Variants in FRMPD1 observed in about 807,000 individuals in gnomAD.
FRMPD1 encodes the protein FERM and PDZ domain containing 1, also known as FERM and PDZ domain-containing protein 1.
FRMPD1 carries 76 observed loss-of-function variants against 117.8 expected under a neutral mutation model. That is an observed-to-expected ratio of 0.65 (90% CI 0.54 to 0.78). FRMPD1 has a LOEUF of 0.78. Among genes scored for constraint, FRMPD1 ranks in the 30% least tolerant of loss-of-function variants. FRMPD1 has a pLI of 0.00. For synonymous variants in FRMPD1, 783 were observed against 770.4 expected, an observed-to-expected ratio of 1.02 and a Z score of -0.27; for missense variants, 1,786 against 1,964.5, an observed-to-expected ratio of 0.91 and a Z score of 1.72.
chr9:37,606,597 T>C, the FRMPD1 span, among the ~76,000 whole-genome samples: 1 of 152,226 alleles, frequency 6.6e-6, no homozygotes, highest in East Asian at 1.9e-4. Flanking sequence ...ACGCTGAATA[T>C]GCACAAAACT....
chr9:37,737,220 C>T lies in FRMPD1; in HGVS notation c.1526C>T (p.Ala509Val), dbSNP rs571037699. The T allele has an allele frequency of 2.3e-4, 377 of 1,614,022 alleles. 4 individuals carry two copies. Among genetic ancestry groups the T allele is most frequent in the South Asian group, 2.2e-3 (199 of 91,056 alleles). Residue 509 changes from alanine (A) to valine (V), a missense_variant, in exon 14 of 16, where the codon GCG (alanine) becomes GTG (valine). By Grantham distance (64) the Ala-to-Val change is moderately conservative. Coordinates refer to ENST00000377765, the MANE Select transcript of FRMPD1 (RefSeq NM_014907.3). ...CTCTGGCCTGGAAACAAACAACAAG[C>T]GCACCGGGTATCTGCAGAAGAAGGT... ...IFLWPGNKQQ[A>V]HRVSAEEGYE...
chr9:37,745,818 T>C lies in FRMPD1; in HGVS notation c.3786T>C (p.Cys1262=). The C allele has an allele frequency of 6.2e-7, 1 of 1,614,130 alleles. No individual in the cohort carries two copies. The highest frequency in any genetic ancestry group is 8.5e-7 in the Non-Finnish European group (1 of 1,179,986). The part of the protein sequence containing the change: ...PEPSLPEPLP[C]PQEDPHLETS... ...CTTCCCTGCCAGAACCACTACCATG[T>C]CCACAAGAGGATCCTCACTTAGAAA... is the stretch of plus-strand genomic sequence containing the variant. Residue 1262 remains cysteine (C), a synonymous_variant, in exon 16 of 16, where the codon TGT becomes TGC. Coordinates refer to ENST00000377765, the MANE Select transcript of FRMPD1 (RefSeq NM_014907.3).
Position 37,717,317 on chromosome 9 carries a change from A to G in FRMPD1, c.409-1752A>G, listed in dbSNP as rs138929301. ...AGAAAAAAAAAATATATATATATGT[A>G]TGTGTGTGTGTGTATGTGTATATAT... On this transcript the variant is annotated intron_variant, in intron 5 of 15. Coordinates refer to ENST00000377765, the MANE Select transcript of FRMPD1 (RefSeq NM_014907.3). Among the ~76,000 whole-genome samples, 1,148 of 137,860 alleles carry G rather than the reference A, an allele frequency of 8.3e-3. 4 individuals carry two copies. Among genetic ancestry groups the G allele is most frequent in the Middle Eastern group, 0.047 (13 of 274 alleles). 90.4% of individuals were successfully genotyped at this position (137,860 alleles called of 152,430 possible).
At position 37,745,249 on chromosome 9, in the gene FRMPD1, G is replaced by A; in HGVS notation, c.3217G>A (p.Glu1073Lys). 1 of 1,612,840 alleles carries A rather than the reference G, an allele frequency of 6.2e-7. No individual in the cohort carries two copies. The highest frequency in any genetic ancestry group is 8.5e-7 in the Non-Finnish European group (1 of 1,178,818). ...ACAAGAAACTGCCCCCAAATACACA[G>A]AGCCTTTGTTGTCTCCTAGAGATGA... ...HIQETAPKYT[E>K]PLLSPRDEPR... Residue 1073 changes from glutamate (E) to lysine (K), a missense_variant, in exon 16 of 16, where the codon GAG becomes AAG. Glu to Lys is a moderately conservative substitution (Grantham distance 56). Transcript: ENST00000377765.
At chr9:37,667,344 G>C (rs900302907) in intron 1 of FRMPD1, among the ~76,000 whole-genome samples, 1 of 151,054 alleles carries the variant, frequency 6.6e-6, no homozygotes, top group African/African-American at 2.4e-5. Flanking sequence ...GGGGTTACAG[G>C]CATGAGCCAC....
chr9:37,687,934 C>G (rs1822004470), intron 1 of FRMPD1, among the ~76,000 whole-genome samples: 1 of 152,090 alleles, frequency 6.6e-6, no homozygotes, highest in South Asian at 2.1e-4. Context: ...GTGCAGACTA[C>G]TGAGTATAAC....
At chr9:37,642,156 C>T in the FRMPD1 span, among the ~76,000 whole-genome samples, 14 of 152,328 alleles carry the variant, frequency 9.2e-5, no homozygotes, top group African/African-American at 2.9e-4. Context: ...AGAACCCTCC[C>T]AGATTTAAAT....
intron 15 of FRMPD1, among the ~76,000 whole-genome samples, chr9:37,741,670 G>C (rs1039705746): frequency 1.3e-5 from 2 of 152,150 alleles, no homozygotes; most frequent in Non-Finnish European, 2.9e-5. Flanking sequence ...CAGCTCCTCT[G>C]GGAGCCCCAT....
At position 37,746,197 on chromosome 9, in the gene FRMPD1, A is replaced by G; in HGVS notation, c.4165A>G (p.Thr1389Ala). ...GAGGCCTGCCCGAGCCCACAGCTGC[A>G]CCACCGCACCCCTGTCGAGGAAAAG... The part of the protein sequence containing the change: ...PWRPARAHSC[T>A]TAPLSRKSHI... Residue 1389 changes from threonine (T) to alanine (A), a missense_variant, in exon 16 of 16, where the codon ACC becomes GCC. By Grantham distance (58) the Thr-to-Ala change is moderately conservative. Coordinates refer to ENST00000377765, the MANE Select transcript of FRMPD1 (RefSeq NM_014907.3). 5 of 1,612,906 alleles carry G rather than the reference A, an allele frequency of 3.1e-6. No individual in the cohort carries two copies. Among genetic ancestry groups the G allele is most frequent in the South Asian group, 2.2e-5 (2 of 91,076 alleles).
chr9:37,697,448 T>G (rs2118071126), intron 2 of FRMPD1, among the ~76,000 whole-genome samples: 1 of 151,238 alleles, frequency 6.6e-6, no homozygotes. Flanking sequence ...GCGCCTGTAG[T>G]CCCAGCTACT....
chr9:37,746,045 TCTC>T lies in FRMPD1; in HGVS notation c.4016_4018del (p.Ser1339del), dbSNP rs753626930. On this transcript the variant is annotated inframe_deletion, in exon 16 of 16. Coordinates refer to ENST00000377765, the MANE Select transcript of FRMPD1 (RefSeq NM_014907.3). ...GGGATGGACCAGTGCAGCTGTCAGT[TCTC>T]CTATGCCACATGCTTCCGTGGCCCG... The T allele has an allele frequency of 5.6e-6, 9 of 1,614,162 alleles. No homozygotes were observed. The South Asian group carries it at 9.9e-5, about 18-fold the overall frequency.
At chr9:37,630,993 C>T in the FRMPD1 span, among the ~76,000 whole-genome samples, 121 of 152,214 alleles carry the variant, frequency 7.9e-4, no homozygotes, top group African/African-American at 2.6e-3. Context: ...CAAATGTCAA[C>T]AATTATAATG....
intron 2 of FRMPD1, among the ~76,000 whole-genome samples, chr9:37,696,232 A>G (rs1292301804): frequency 6.6e-6 from 1 of 151,312 alleles, no homozygotes; most frequent in East Asian, 1.9e-4. Context: ...TTTCCTGACC[A>G]CCCAAGGCAC....
At chr9:37,736,244 A>G (rs560941318) in intron 13 of FRMPD1, among the ~76,000 whole-genome samples, 36 of 151,476 alleles carry the variant, frequency 2.4e-4, no homozygotes, top group Admixed American at 4.6e-4. Context: ...CTCGTGATCC[A>G]CCCGCCTTGG....
chr9:37,745,274 A>G lies in FRMPD1; in HGVS notation c.3242A>G (p.Glu1081Gly), dbSNP rs770301102. 1.2e-5 allele frequency: 19 copies of G among 1,612,370 alleles called. No homozygotes were observed. Among genetic ancestry groups the G allele is most frequent in the Admixed American group, 6.7e-5 (4 of 60,008 alleles). ...GAGCCTTTGTTGTCTCCTAGAGATG[A>G]GCCTAGAAGTGATGAATGTGGAATA... The part of the protein sequence containing the change: ...YTEPLLSPRD[E>G]PRSDECGINP... Residue 1081 changes from glutamate (E) to glycine (G), a missense_variant, in exon 16 of 16, where the codon GAG becomes GGG. Transcript: ENST00000377765.
chr9:37,629,010 C>A, the FRMPD1 span, among the ~76,000 whole-genome samples: 2 of 152,180 alleles, frequency 1.3e-5, no homozygotes, highest in Non-Finnish European at 2.9e-5. Flanking sequence ...ACCAGCCTGG[C>A]CAATATGGTG....
At chr9:37,606,552 C>A in the FRMPD1 span, among the ~76,000 whole-genome samples, 1 of 152,180 alleles carries the variant, frequency 6.6e-6, no homozygotes, top group Non-Finnish European at 1.5e-5. Context: ...GTATAAAGCA[C>A]CTCTTGCTAA....
chr9:37,637,963 G>GCTTTTTTTTCT, the FRMPD1 span, among the ~76,000 whole-genome samples: 2 of 100,130 alleles, frequency 2.0e-5, no homozygotes, highest in African/African-American at 7.6e-5. Context: ...AATGGTGTAT[G>GCTTTTTTTTCT]CTTTCTTTCT....
chr9:37,711,470 C>A lies in FRMPD1; in HGVS notation c.408+75C>A. 6.1e-6 allele frequency: 7 copies of A among 1,147,486 alleles called. No homozygotes were observed. In the East Asian group the frequency reaches 1.4e-4, roughly 23 times the overall value. 71.1% of individuals were successfully genotyped at this position (1,147,486 alleles called of 1,614,324 possible). A position where few individuals can be genotyped will look rare whatever the true frequency, so the allele number is the denominator to read the frequency against. Reference sequence around the variant, plus strand: ...AAGACCCTGTTCCCCCAGAGGATATCCCTCATAAAGTAAGCGGGGAAGGCA... The same window carrying A: ...AAGACCCTGTTCCCCCAGAGGATATACCTCATAAAGTAAGCGGGGAAGGCA... On this transcript the variant is annotated intron_variant, in intron 5 of 15. Transcript: ENST00000377765.
Sources: gnomAD v4.1 joint callset for allele counts (sites outside exome capture counted in the v4.1 genomes callset) on GRCh38, gnomAD v4.1.1 for gene constraint, MANE v1.5 for transcripts, NCBI Gene and HGNC (gene_info 2026-07-23, HGNC 2026-07-21) for gene names.